MSH3: variants seen among roughly 807,000 people sequenced by gnomAD.
The protein encoded by MSH3 is DNA mismatch repair protein Msh3.
A neutral mutation model predicts 123.3 loss-of-function variants in MSH3; 106 were observed. That is an observed-to-expected ratio of 0.86 (90% CI 0.73 to 1.01). MSH3 has a LOEUF of 1.01. Among genes scored for constraint, MSH3 ranks in the 50% least tolerant of loss-of-function variants. The pLI, the probability that MSH3 is intolerant of heterozygous loss-of-function variation, is 0.00. For synonymous variants in MSH3, 515 were observed against 481.4 expected (o/e 1.07, Z -0.91); for missense variants, 1,459 against 1,347.6 (o/e 1.08, Z -1.29).
At chr5:80,793,314 T>G (rs1373904436) in intron 19 of MSH3, among the ~76,000 whole-genome samples, 3 of 152,216 alleles carry the variant, frequency 2.0e-5, no homozygotes, top group Non-Finnish European at 4.4e-5. Context: ...TTAATTTACT[T>G]AACACATACT....
chr5:80,702,103 CTT>C (rs1580572921), intron 8 of MSH3, among the ~76,000 whole-genome samples: 1 of 152,054 alleles, frequency 6.6e-6, no homozygotes, highest in Non-Finnish European at 1.5e-5. Flanking sequence ...TATAAATTGA[CTT>C]AATATACACA....
intron 8 of MSH3, 143 bp downstream of exon 8, chr5:80,679,236 A>G (rs1442253619): frequency 1.2e-5 from 11 of 901,832 alleles, no homozygotes; most frequent in Non-Finnish European, 1.9e-5. Context: ...TTAAAAAAAA[A>G]AGTAAAACAA....
intron 17 of MSH3, among the ~76,000 whole-genome samples, chr5:80,783,982 G>A (rs1391874633): frequency 6.6e-6 from 1 of 151,808 alleles, no homozygotes; most frequent in Non-Finnish European, 1.5e-5. Context: ...GACTGAGACA[G>A]GTGGACTGCT....
chr5:80,737,056 G>A (rs376196524), intron 10 of MSH3, among the ~76,000 whole-genome samples: 4 of 152,194 alleles, frequency 2.6e-5, no homozygotes, highest in African/African-American at 7.2e-5. Flanking sequence ...CTTATTGGCA[G>A]GATTTAGAAA....
At chr5:80,800,773 G>A (rs1376512689) in intron 19 of MSH3, among the ~76,000 whole-genome samples, 2 of 152,164 alleles carry the variant, frequency 1.3e-5, no homozygotes, top group African/African-American at 2.4e-5. Flanking sequence ...TCTAGGCAAC[G>A]GGGATGAACT....
rs1255239189 is a variant in MSH3 at position 80,660,947 on chromosome 5, C to T, written c.359-4196C>T. ...TGGAGTAGCTGGGATTACAGGCACT[C>T]GCCACCACGCCTGGTTAATTTTTGT... On this transcript the variant is annotated intron_variant, in intron 2 of 23. Coordinates refer to ENST00000265081, the MANE Select transcript of MSH3 (RefSeq NM_002439.5). 9.2e-5 allele frequency among the ~76,000 whole-genome samples: 14 copies of T among 152,120 alleles called. No homozygotes were observed. In the East Asian group the frequency reaches 2.1e-3, roughly 23 times the overall value.
intron 20 of MSH3, among the ~76,000 whole-genome samples, chr5:80,815,890 G>A (rs1456677688): frequency 6.6e-6 from 1 of 152,116 alleles, no homozygotes; most frequent in Non-Finnish European, 1.5e-5. Context: ...CACAGGGTGT[G>A]GAATCAGTAA....
chr5:80,657,630 G>A (rs1561431268), intron 2 of MSH3, among the ~76,000 whole-genome samples: 1 of 148,654 alleles, frequency 6.7e-6, no homozygotes, highest in African/African-American at 2.5e-5. Flanking sequence ...TTATCCTCAG[G>A]AAATTAGGTA....
In MSH3 at chr5:80,791,801, T is replaced by C. The variant is rs6151842; in HGVS notation, c.2544-932T>C. Among the ~76,000 whole-genome samples the C allele has an allele frequency of 4.5e-3, 684 of 152,200 alleles. 3 individuals carry two copies. The highest frequency in any genetic ancestry group is 0.016 in the African/African-American group (647 of 41,524). On this transcript the variant is annotated intron_variant, in intron 18 of 23. Transcript: ENST00000265081. ...ACTTTTCCAAAGAAATCACAACGAG[T>C]GTGATGCATACATAAACATAAATGC...
intron 10 of MSH3, among the ~76,000 whole-genome samples, 172 bp downstream of exon 10, chr5:80,729,137 T>C (rs1743358848): frequency 6.6e-6 from 1 of 152,054 alleles, no homozygotes; most frequent in African/African-American, 2.4e-5. Context: ...ATATATTGGC[T>C]GGGCACGGTG....
chr5:80,796,197 T>C (rs1744696060), intron 19 of MSH3, among the ~76,000 whole-genome samples: 1 of 152,188 alleles, frequency 6.6e-6, no homozygotes, highest in Admixed American at 6.5e-5. Context: ...GATTGACTTA[T>C]TTCTTTTTTT....
rs6151870 is a variant in MSH3, at chr5:80,801,566, G to A, written c.2655+8722G>A. On this transcript the variant is annotated intron_variant, in intron 19 of 23. Coordinates refer to ENST00000265081, the MANE Select transcript of MSH3 (RefSeq NM_002439.5). ...GACATCCTCAAATCCTGGGGCAGGG[G>A]TGGTGGGGGCTGGAAAAAATCTGTC... is the stretch of plus-strand genomic sequence containing the variant. Among the ~76,000 whole-genome samples, 662 of 152,290 alleles carry A rather than the reference G, an allele frequency of 4.3e-3. 7 individuals are homozygous for A. Among genetic ancestry groups the A allele is most frequent in the African/African-American group, 0.015 (637 of 41,532 alleles).
intron 18 of MSH3, among the ~76,000 whole-genome samples, chr5:80,789,847 G>C (rs980783447): frequency 6.6e-6 from 1 of 152,112 alleles, no homozygotes; most frequent in Non-Finnish European, 1.5e-5. Flanking sequence ...AGGATATTAT[G>C]CTTTTGAAAA....
At chr5:80,656,292 C>A in intron 1 of MSH3, 119 bp from the exon 2 acceptor site, 1 of 1,338,870 alleles carries the variant, frequency 7.5e-7, no homozygotes, top group South Asian at 1.2e-5. Flanking sequence ...GTAGAGGATT[C>A]TTTGAAGAGT....
At chr5:80,701,125 T>TA (rs1405650165) in intron 8 of MSH3, among the ~76,000 whole-genome samples, 3 of 152,136 alleles carry the variant, frequency 2.0e-5, no homozygotes, top group Admixed American at 6.5e-5. Flanking sequence ...ATTAGCATCT[T>TA]AAAAAAATCC....
At chr5:80,799,602 A>T (rs766437437) in intron 19 of MSH3, among the ~76,000 whole-genome samples, 12 of 130,584 alleles carry the variant, frequency 9.2e-5, no homozygotes, top group Non-Finnish European at 1.7e-4. Context: ...TTTCTGCTGT[A>T]CATCTGCTGA....
intron 13 of MSH3, among the ~76,000 whole-genome samples, chr5:80,766,705 A>G (rs968045252): frequency 1.3e-5 from 2 of 151,710 alleles, no homozygotes; most frequent in Admixed American, 6.6e-5. Context: ...AATTAGATGC[A>G]TGTGTTTAAC....
intron 12 of MSH3, among the ~76,000 whole-genome samples, chr5:80,747,770 AC>A (rs1743748772): frequency 6.6e-6 from 1 of 152,196 alleles, no homozygotes; most frequent in Non-Finnish European, 1.5e-5. Context: ...ACAGTAGCCT[AC>A]AGTATTTAGT....
At chr5:80,656,360 G>A (rs748038883) in intron 1 of MSH3, 51 bp from the exon 2 acceptor site, 13 of 1,611,426 alleles carry the variant, frequency 8.1e-6, no homozygotes, top group Non-Finnish European at 1.1e-5. Flanking sequence ...ACATACGTCA[G>A]GCCTTCTCAG....
Sources: gnomAD v4.1 joint callset for allele counts (sites outside exome capture counted in the v4.1 genomes callset) on GRCh38, gnomAD v4.1.1 for gene constraint, MANE v1.5 for transcripts, NCBI Gene and HGNC (gene_info 2026-07-23, HGNC 2026-07-21) for gene names.